RANBP2: variants seen among roughly 807,000 people sequenced by gnomAD.
RANBP2 encodes RAN binding protein 2, also known as E3 SUMO-protein ligase RanBP2.
RANBP2 carries 57 observed loss-of-function variants against 303.6 expected under a neutral mutation model. That is an observed-to-expected ratio of 0.19 (90% CI 0.15 to 0.23). RANBP2 has a LOEUF of 0.23. Among genes scored for constraint, RANBP2 ranks in the 10% least tolerant of loss-of-function variants. The pLI is 1.00. For missense variants in RANBP2, 3,138 were observed against 3,780.8 expected, an observed-to-expected ratio of 0.83 and a Z score of 4.46; for synonymous variants, 1,167 against 1,301.5, an observed-to-expected ratio of 0.90 and a Z score of 2.23.
At chr2:109,575,026 T>C in the RANBP2 span, among the ~76,000 whole-genome samples, 20 of 152,340 alleles carry the variant, frequency 1.3e-4, no homozygotes, top group African/African-American at 4.8e-4. Context: ...GCATTTCATA[T>C]CCCAATAAAC....
chr2:109,259,673 C>G, the RANBP2 span, among the ~76,000 whole-genome samples: 1 of 152,248 alleles, frequency 6.6e-6, no homozygotes, highest in Non-Finnish European at 1.5e-5. Flanking sequence ...AATGTCTATA[C>G]TTGCTCTCAC....
chr2:109,223,388 G>C, the RANBP2 span, among the ~76,000 whole-genome samples: 2 of 152,214 alleles, frequency 1.3e-5, no homozygotes, highest in African/African-American at 4.8e-5. Flanking sequence ...GCCACTAGGA[G>C]CTGCCGTGTG....
chr2:109,598,208 C>T, the RANBP2 span, among the ~76,000 whole-genome samples: 1 of 151,942 alleles, frequency 6.6e-6, no homozygotes, highest in Non-Finnish European at 1.5e-5. Flanking sequence ...GCTAGGATTA[C>T]AGGCATGCAC....
Position 108,764,574 on chromosome 2 carries a change from A to T in RANBP2, c.4035A>T (p.Glu1345Asp), listed in dbSNP as rs779012220. ...CKSDAGNLNFEFQVAKKEGSW... is the reference protein window; with the variant it reads ...CKSDAGNLNFDFQVAKKEGSW... ...CTGATGCTGGAAACCTGAATTTTGAATTTCAGGTTGCAAAGAAAGAAGGGT... is the reference window on the plus strand; with the variant it reads ...CTGATGCTGGAAACCTGAATTTTGATTTTCAGGTTGCAAAGAAAGAAGGGT... Residue 1345 changes from glutamate to aspartate, a missense_variant, in exon 20 of 29, where the codon GAA becomes GAT. Transcript: ENST00000283195. 9.3e-6 allele frequency: 15 copies of T among 1,614,052 alleles called. No individual in the cohort carries two copies. In the South Asian group the frequency reaches 1.6e-4, roughly 18 times the overall value.
the RANBP2 span, among the ~76,000 whole-genome samples, chr2:109,314,476 A>G: frequency 6.6e-6 from 1 of 152,188 alleles, no homozygotes; most frequent in Non-Finnish European, 1.5e-5. Context: ...GGTCAGCCTG[A>G]AACGGCATGA....
At chr2:109,133,201 T>C in the RANBP2 span, among the ~76,000 whole-genome samples, 28 of 152,208 alleles carry the variant, frequency 1.8e-4, no homozygotes, top group Non-Finnish European at 2.6e-4. Context: ...TTGTCACAAA[T>C]TAAAGAATTC....
the RANBP2 span, among the ~76,000 whole-genome samples, chr2:109,385,979 A>G: frequency 3.9e-5 from 6 of 152,300 alleles, no homozygotes; most frequent in African/African-American, 1.4e-4. Context: ...CCTTTGGGTT[A>G]AGTTGGGGTT....
the RANBP2 span, among the ~76,000 whole-genome samples, chr2:108,988,061 C>T: frequency 6.6e-6 from 1 of 152,174 alleles, no homozygotes; most frequent in Non-Finnish European, 1.5e-5. Flanking sequence ...GGGAAGAGGA[C>T]GGTGGTGCTC....
chr2:109,072,618 G>C, the RANBP2 span, among the ~76,000 whole-genome samples: 1 of 152,138 alleles, frequency 6.6e-6, no homozygotes, highest in African/African-American at 2.4e-5. Flanking sequence ...CTAGGCTAGG[G>C]GTGACAGAGA....
At chr2:109,437,073 G>T in the RANBP2 span, 2 of 1,613,506 alleles carry the variant, frequency 1.2e-6, no homozygotes, top group Non-Finnish European at 1.7e-6. Flanking sequence ...CCACAGCCTC[G>T]CCCCCAACAG....
chr2:109,431,661 T>C, the RANBP2 span, among the ~76,000 whole-genome samples: 1 of 152,138 alleles, frequency 6.6e-6, no homozygotes, highest in African/African-American at 2.4e-5. Context: ...TGCTTGAGAC[T>C]AGGAGCTCAA....
chr2:109,261,272 G>A, the RANBP2 span, among the ~76,000 whole-genome samples: 1 of 152,300 alleles, frequency 6.6e-6, no homozygotes, highest in African/African-American at 2.4e-5. Context: ...AAGCAATGAT[G>A]TGGAGGTGAT....
chr2:108,738,002 C>A (rs922614291), intron 6 of RANBP2, among the ~76,000 whole-genome samples: 2 of 151,026 alleles, frequency 1.3e-5, no homozygotes, highest in African/African-American at 4.9e-5. Context: ...GCGTGAGCCA[C>A]CGCGCCCAGC....
At chr2:109,419,568 C>T in the RANBP2 span, 3 of 1,598,746 alleles carry the variant, frequency 1.9e-6, no homozygotes, top group African/African-American at 1.3e-5. Context: ...GATCTACCCC[C>T]ACGGCTGTCC....
At chr2:109,372,299 C>T in the RANBP2 span, among the ~76,000 whole-genome samples, 3 of 152,186 alleles carry the variant, frequency 2.0e-5, no homozygotes, top group Non-Finnish European at 4.4e-5. Context: ...AGCATCTTAA[C>T]ACGTGTGTCT....
At chr2:109,077,142 A>G in the RANBP2 span, among the ~76,000 whole-genome samples, 1 of 150,688 alleles carries the variant, frequency 6.6e-6, no homozygotes, top group Admixed American at 6.6e-5. Context: ...ATGGGGAAAG[A>G]TAGTCTAAAT....
the RANBP2 span, among the ~76,000 whole-genome samples, chr2:108,800,652 G>A: frequency 3.9e-5 from 2 of 51,794 alleles, no homozygotes; most frequent in Non-Finnish European, 6.9e-5. Context: ...TATACTTTAA[G>A]TTTTAGGGTA....
the RANBP2 span, among the ~76,000 whole-genome samples, chr2:109,577,109 GA>G: frequency 6.6e-6 from 1 of 152,088 alleles, no homozygotes; most frequent in East Asian, 1.9e-4. Flanking sequence ...ACCCTTAAGG[GA>G]GACTTCTTAA....
chr2:109,249,599 TTTTCTTTCTTTCTTTCTC>T, the RANBP2 span, among the ~76,000 whole-genome samples: 1 of 144,482 alleles, frequency 6.9e-6, no homozygotes, highest in African/African-American at 2.7e-5. Context: ...CTTTCTTTCT[TTTTCTTTCTTTCTTTCTC>T]TTTCTTTCTC....
Sources: allele counts gnomAD v4.1 joint callset (sites outside exome capture counted in the v4.1 genomes callset), GRCh38; gene constraint gnomAD v4.1.1; transcripts MANE v1.5; gene names NCBI Gene and HGNC (gene_info 2026-07-23, HGNC 2026-07-21).